Variants in CLSTN2 observed in about 807,000 individuals in gnomAD.
CLSTN2 encodes the protein calsyntenin-2.
CLSTN2 carries 48 observed loss-of-function variants against 101.2 expected under a neutral mutation model. The observed-to-expected ratio is 0.47, with a 90% CI of 0.38 to 0.60. The LOEUF (loss-of-function observed/expected upper bound fraction) is 0.60. Among genes scored for constraint, CLSTN2 ranks in the 20% least tolerant of loss-of-function variants. The pLI, the probability that CLSTN2 is intolerant of heterozygous loss-of-function variation, is 0.00. For synonymous variants in CLSTN2, 481 were observed against 463.6 expected, an observed-to-expected ratio of 1.04 and a Z score of -0.48; for missense variants, 1,160 against 1,238.2, an observed-to-expected ratio of 0.94 and a Z score of 0.95.
intron 2 of CLSTN2, among the ~76,000 whole-genome samples, chr3:140,307,479 A>G (rs2087125977): frequency 1.3e-5 from 2 of 152,338 alleles, no homozygotes; most frequent in East Asian, 3.9e-4. Context: ...CAAACAAAAA[A>G]AAGTTTGATC....
intron 2 of CLSTN2, among the ~76,000 whole-genome samples, chr3:140,254,314 A>C (rs1331781045): frequency 1.3e-5 from 2 of 152,198 alleles, no homozygotes; most frequent in African/African-American, 4.8e-5. Context: ...TTTCCCAAAC[A>C]AATTTATAAG....
rs932520990 is a variant in CLSTN2, at chr3:140,448,647, A to T, written c.916A>T (p.Ile306Phe). 2 of 1,614,000 alleles carry T rather than the reference A, an allele frequency of 1.2e-6. No homozygotes were observed. Among genetic ancestry groups the T allele is most frequent in the Admixed American group, 3.3e-5 (2 of 60,002 alleles). The change falls in exon 6 of 17, where the codon ATT becomes TTT. Residue 306 changes from isoleucine to phenylalanine, a missense_variant. Physicochemically the swap from Ile to Phe is conservative, Grantham distance 21. Transcript: ENST00000458420. ...QIVTELQTNYIGKGCDRETYS... is the reference protein window; with the variant it reads ...QIVTELQTNYFGKGCDRETYS... Reference sequence around the variant, plus strand: ...CGTCACAGAGCTGCAGACTAATTACATTGGGAAGGGTTGTGACCGGGAGAC... The same window carrying T: ...CGTCACAGAGCTGCAGACTAATTACTTTGGGAAGGGTTGTGACCGGGAGAC...
chr3:140,275,562 C>T (rs902256747), intron 2 of CLSTN2, among the ~76,000 whole-genome samples: 1 of 152,120 alleles, frequency 6.6e-6, no homozygotes, highest in African/African-American at 2.4e-5. Flanking sequence ...ATGAGTCACC[C>T]ACTCAGCCAG....
At chr3:140,546,804 A>AG in intron 10 of CLSTN2, 123 bp downstream of exon 10, 1 of 919,332 alleles carries the variant, frequency 1.1e-6, no homozygotes, top group Admixed American at 3.0e-5. Flanking sequence ...GCAACAAGGC[A>AG]AAGGTGCAGC....
chr3:140,314,055 T>C (rs964619113), intron 2 of CLSTN2, among the ~76,000 whole-genome samples: 1 of 152,218 alleles, frequency 6.6e-6, no homozygotes, highest in Non-Finnish European at 1.5e-5. Flanking sequence ...CAGTGAACTC[T>C]ACCATTTGTA....
At chr3:139,966,598 G>A (rs1159794092) in intron 1 of CLSTN2, among the ~76,000 whole-genome samples, 1 of 152,154 alleles carries the variant, frequency 6.6e-6, no homozygotes, top group African/African-American at 2.4e-5. Context: ...GGTTGGGTTT[G>A]GAGCCTCTTC....
chr3:140,186,118 C>A (rs143921952), intron 2 of CLSTN2, among the ~76,000 whole-genome samples: 1 of 152,032 alleles, frequency 6.6e-6, no homozygotes, highest in African/African-American at 2.4e-5. Flanking sequence ...TAGAGAAGAA[C>A]GAACTGGGAA....
chr3:140,256,721 A>G (rs2086607248), intron 2 of CLSTN2, among the ~76,000 whole-genome samples: 1 of 152,250 alleles, frequency 6.6e-6, no homozygotes, highest in Non-Finnish European at 1.5e-5. Flanking sequence ...CCAGGATAAA[A>G]AATTTCTGAT....
chr3:140,072,376 G>A (rs1006720238), intron 1 of CLSTN2, among the ~76,000 whole-genome samples: 4 of 152,272 alleles, frequency 2.6e-5, no homozygotes, highest in Non-Finnish European at 5.9e-5. Flanking sequence ...ATTAAACTAA[G>A]TATAAATCTC....
chr3:140,035,226 GA>G (rs1182309687), intron 1 of CLSTN2, among the ~76,000 whole-genome samples: 1 of 152,174 alleles, frequency 6.6e-6, no homozygotes, highest in Non-Finnish European at 1.5e-5. Context: ...TCAGCTGTAG[GA>G]ATTCTGATCA....
At chr3:140,523,941 C>T (rs538685223) in intron 8 of CLSTN2, among the ~76,000 whole-genome samples, 1 of 152,326 alleles carries the variant, frequency 6.6e-6, no homozygotes, top group South Asian at 2.1e-4. Flanking sequence ...CTTGCAATAG[C>T]CTGTCTCAGA....
intron 2 of CLSTN2, among the ~76,000 whole-genome samples, chr3:140,185,008 G>A (rs912709034): frequency 1.3e-5 from 2 of 152,134 alleles, no homozygotes; most frequent in Non-Finnish European, 2.9e-5. Flanking sequence ...TATCCTGCTG[G>A]AAAAATGTTG....
At chr3:140,524,710 A>G (rs558287353) in intron 8 of CLSTN2, among the ~76,000 whole-genome samples, 78 of 152,320 alleles carry the variant, frequency 5.1e-4, no homozygotes, top group African/African-American at 1.9e-3. Context: ...AAGTCTCAAT[A>G]ATATAAATAC....
At chr3:140,084,257 C>CA in intron 1 of CLSTN2, among the ~76,000 whole-genome samples, 1 of 152,214 alleles carries the variant, frequency 6.6e-6, no homozygotes, top group South Asian at 2.1e-4. Flanking sequence ...TGACCAAAGA[C>CA]AGAGAGGTAC....
intron 2 of CLSTN2, among the ~76,000 whole-genome samples, chr3:140,381,763 G>A (rs1457354304): frequency 6.6e-6 from 1 of 152,214 alleles, no homozygotes; most frequent in African/African-American, 2.4e-5. Flanking sequence ...CATAGTGCCA[G>A]AAACAGGCTG....
chr3:140,116,825 C>G (rs1019007394), intron 1 of CLSTN2, among the ~76,000 whole-genome samples: 15 of 152,190 alleles, frequency 9.9e-5, no homozygotes, highest in African/African-American at 3.6e-4. Flanking sequence ...TCAGTGATGG[C>G]TAGATCCCTT....
intron 2 of CLSTN2, among the ~76,000 whole-genome samples, chr3:140,230,592 TG>T (rs2086362032): frequency 6.6e-6 from 1 of 152,156 alleles, no homozygotes; most frequent in Admixed American, 6.5e-5. Flanking sequence ...CTTTCCACCT[TG>T]TCAGACATAT....
At chr3:139,942,889 T>C (rs76996788) in intron 1 of CLSTN2, among the ~76,000 whole-genome samples, 2,544 of 152,230 alleles carry the variant, frequency 0.017, 78 homozygotes, top group African/African-American at 0.059. Context: ...GGCAACTTAT[T>C]TCCAATACTT....
At chr3:140,532,507 T>G in intron 9 of CLSTN2, 21 bp downstream of exon 9, 1 of 1,603,982 alleles carries the variant, frequency 6.2e-7, no homozygotes, top group Non-Finnish European at 8.5e-7. Context: ...GTGAAACCCT[T>G]TTCTCTGACC....
Sources: gnomAD v4.1 joint callset for allele counts (sites outside exome capture counted in the v4.1 genomes callset) on GRCh38, gnomAD v4.1.1 for gene constraint, MANE v1.5 for transcripts, NCBI Gene and HGNC (gene_info 2026-07-23, HGNC 2026-07-21) for gene names.